The following ZCCHC7 variants were observed in gnomAD, a reference collection of about 807,000 sequenced individuals.
ZCCHC7 encodes zinc finger CCHC-type containing 7, also known as zinc finger CCHC domain-containing protein 7.
Under a neutral mutation model 52.0 loss-of-function variants are expected in ZCCHC7, and 35 were observed. The observed-to-expected ratio is 0.67, with a 90% confidence interval of 0.51 to 0.89. The LOEUF is 0.89. ZCCHC7 is among the 40% of genes least tolerant of loss of function. The pLI is 0.00. For synonymous variants in ZCCHC7, 217 were observed against 221.5 expected (o/e 0.98, Z 0.18); for missense variants, 574 against 649.1 (o/e 0.88, Z 1.26).
At chr9:37,274,840 T>A (rs76218262) in intron 2 of ZCCHC7, among the ~76,000 whole-genome samples, 1 of 152,140 alleles carries the variant, frequency 6.6e-6, no homozygotes, top group Non-Finnish European at 1.5e-5. Context: ...GTTTTTTTTT[T>A]ATATAGTGAG....
chr9:37,134,923 C>T (rs1460840774), intron 2 of ZCCHC7, among the ~76,000 whole-genome samples: 1 of 152,078 alleles, frequency 6.6e-6, no homozygotes, highest in Non-Finnish European at 1.5e-5. Context: ...ATGGGGGTTT[C>T]TCCATGCTGG....
At chr9:37,230,245 T>G (rs767653303) in intron 2 of ZCCHC7, among the ~76,000 whole-genome samples, 3 of 152,254 alleles carry the variant, frequency 2.0e-5, no homozygotes, top group African/African-American at 4.8e-5. Context: ...TCAAGTATTA[T>G]GTACTGTGCA....
intron 3 of ZCCHC7, among the ~76,000 whole-genome samples, 186 bp downstream of exon 3, chr9:37,302,417 G>A (rs1335859003): frequency 6.6e-6 from 1 of 152,190 alleles, no homozygotes; most frequent in African/African-American, 2.4e-5. Flanking sequence ...GTTAATAGCT[G>A]TAATCATCCA....
At chr9:37,134,174 C>T (rs1473197107) in intron 2 of ZCCHC7, among the ~76,000 whole-genome samples, 6 of 152,040 alleles carry the variant, frequency 3.9e-5, no homozygotes, top group East Asian at 1.9e-4. Flanking sequence ...TATTTGAATT[C>T]GATCCAATCC....
intron 2 of ZCCHC7, among the ~76,000 whole-genome samples, chr9:37,205,579 C>G (rs1823861577): frequency 6.6e-6 from 1 of 151,722 alleles, no homozygotes; most frequent in African/African-American, 2.4e-5. Flanking sequence ...TGCAGAGGCA[C>G]AATCTCAGCT....
chr9:37,340,174 C>T (rs1360852501), intron 6 of ZCCHC7, among the ~76,000 whole-genome samples: 3 of 152,090 alleles, frequency 2.0e-5, no homozygotes, highest in Admixed American at 6.6e-5. Flanking sequence ...ATCGTTGCAT[C>T]GGGCTGCACT....
intron 2 of ZCCHC7, among the ~76,000 whole-genome samples, chr9:37,286,574 G>A (rs146277068): frequency 2.8e-3 from 422 of 151,800 alleles, no homozygotes; most frequent in Non-Finnish European, 4.8e-3. Context: ...GCTTGAGTCC[G>A]GGAGTCTGAG....
chr9:37,277,682 C>T (rs1827747025), intron 2 of ZCCHC7, among the ~76,000 whole-genome samples: 1 of 152,084 alleles, frequency 6.6e-6, no homozygotes, highest in Non-Finnish European at 1.5e-5. Flanking sequence ...AATCCCAATT[C>T]TTACTGATTT....
At chr9:37,223,511 T>C (rs1824934154) in intron 2 of ZCCHC7, among the ~76,000 whole-genome samples, 1 of 151,908 alleles carries the variant, frequency 6.6e-6, no homozygotes, top group African/African-American at 2.4e-5. Flanking sequence ...TTGGGGGAGG[T>C]TACTTAAAGG....
intron 2 of ZCCHC7, among the ~76,000 whole-genome samples, chr9:37,226,654 C>G (rs945034376): frequency 5.9e-5 from 9 of 152,140 alleles, no homozygotes; most frequent in Non-Finnish European, 4.4e-5. Flanking sequence ...TGAACCATAT[C>G]TCTTCCATCA....
chr9:37,173,490 C>T (rs1821852467), intron 2 of ZCCHC7, among the ~76,000 whole-genome samples: 3 of 152,208 alleles, frequency 2.0e-5, no homozygotes. Flanking sequence ...ATTCCTTTAA[C>T]AGAGATCTCT....
At chr9:37,125,908 A>G (rs1410351827) in intron 1 of ZCCHC7, among the ~76,000 whole-genome samples, 1 of 152,220 alleles carries the variant, frequency 6.6e-6, no homozygotes. Context: ...TACTTACAGT[A>G]TTTGGCACCG....
At chr9:37,298,393 C>T (rs371961348) in intron 2 of ZCCHC7, among the ~76,000 whole-genome samples, 174 of 152,254 alleles carry the variant, frequency 1.1e-3, no homozygotes, top group African/African-American at 4.2e-3. Flanking sequence ...ATATCATCAC[C>T]AGATGAATAG....
chr9:37,125,498 G>A (rs953595670), intron 1 of ZCCHC7, among the ~76,000 whole-genome samples: 4 of 152,202 alleles, frequency 2.6e-5, no homozygotes, highest in Non-Finnish European at 5.9e-5. Flanking sequence ...TCAGAGGGCC[G>A]TGCGATTAAT....
At chr9:37,280,259 C>T (rs1827891396) in intron 2 of ZCCHC7, among the ~76,000 whole-genome samples, 1 of 152,126 alleles carries the variant, frequency 6.6e-6, no homozygotes, top group African/African-American at 2.4e-5. Context: ...ATCTCCTCAT[C>T]ATAGAGAAGT....
intron 2 of ZCCHC7, among the ~76,000 whole-genome samples, chr9:37,150,373 TTTAAC>T (rs1355846636): frequency 2.0e-5 from 3 of 152,352 alleles, no homozygotes; most frequent in African/African-American, 7.2e-5. Context: ...AATTTTTGCA[TTTAAC>T]TTAAAGTGTT....
At chr9:37,139,872 C>T (rs1408546550) in intron 2 of ZCCHC7, among the ~76,000 whole-genome samples, 1 of 151,880 alleles carries the variant, frequency 6.6e-6, no homozygotes, top group Non-Finnish European at 1.5e-5. Flanking sequence ...ACAGAATTAT[C>T]TATCATAGGG....
chr9:37,250,970 GT>G (rs1235820203), intron 2 of ZCCHC7, among the ~76,000 whole-genome samples: 1 of 152,168 alleles, frequency 6.6e-6, no homozygotes, highest in Non-Finnish European at 1.5e-5. Context: ...CTACTTGGAA[GT>G]TTTAAAATGT....
At chr9:37,165,338 T>C (rs767476020) in intron 2 of ZCCHC7, among the ~76,000 whole-genome samples, 4 of 152,108 alleles carry the variant, frequency 2.6e-5, no homozygotes, top group Non-Finnish European at 5.9e-5. Context: ...TCTTGCCATA[T>C]TGGATGGAAG....
Sources: gnomAD v4.1 joint callset for allele counts (sites outside exome capture counted in the v4.1 genomes callset) on GRCh38, gnomAD v4.1.1 for gene constraint, MANE v1.5 for transcripts, NCBI Gene and HGNC (gene_info 2026-07-23, HGNC 2026-07-21) for gene names.